RBFOX1: variants seen among roughly 807,000 people sequenced by gnomAD.
RBFOX1 encodes the protein RNA binding protein fox-1 homolog 1.
Under a neutral mutation model 57.7 loss-of-function variants are expected in RBFOX1, and 8 were observed. The observed-to-expected ratio is 0.14, with a 90% CI of 0.08 to 0.25. RBFOX1 has a LOEUF of 0.25. Ranked by LOEUF, RBFOX1 falls within the 10% of genes least tolerant of loss-of-function variation. The pLI, the probability that RBFOX1 is intolerant of heterozygous loss-of-function variation, is 1.00. For synonymous variants in RBFOX1, 326 were observed against 222.4 expected, an observed-to-expected ratio of 1.47 and a Z score of -4.15; for missense variants, 611 against 548.5, an observed-to-expected ratio of 1.11 and a Z score of -1.14.
At chr16:5,395,120 A>G (rs2066514664) in intron 1 of RBFOX1, among the ~76,000 whole-genome samples, 1 of 152,168 alleles carries the variant, frequency 6.6e-6, no homozygotes, top group African/African-American at 2.4e-5. Context: ...TTTAGGTTTC[A>G]GCCACAGGGA....
chr16:5,621,159 G>A (rs2048190351), intron 3 of RBFOX1, among the ~76,000 whole-genome samples: 2 of 152,106 alleles, frequency 1.3e-5, no homozygotes, highest in Admixed American at 6.5e-5. Flanking sequence ...TTTATTTTTT[G>A]TAGAAATGGG....
chr16:6,417,707 T>TAA (rs1555463885), intron 2 of RBFOX1, among the ~76,000 whole-genome samples: 1,480 of 146,614 alleles, frequency 0.01, 25 homozygotes, highest in African/African-American at 0.034. Context: ...CCTTTCTTTT[T>TAA]AAAAAAAAAA....
intron 3 of RBFOX1, among the ~76,000 whole-genome samples, chr16:5,698,638 C>G (rs1304486003): frequency 1.3e-5 from 2 of 152,122 alleles, no homozygotes; most frequent in African/African-American, 2.4e-5. Context: ...CAAACAAAAA[C>G]TTACAGATGA....
intron 3 of RBFOX1, among the ~76,000 whole-genome samples, chr16:5,864,448 AC>A (rs1239198983): frequency 6.6e-6 from 1 of 151,658 alleles, no homozygotes; most frequent in Non-Finnish European, 1.5e-5. Flanking sequence ...TCAGGAGTAA[AC>A]CTTTTGTCGG....
intron 4 of RBFOX1, among the ~76,000 whole-genome samples, chr16:5,910,587 G>A (rs2058580551): frequency 6.6e-6 from 1 of 152,144 alleles, no homozygotes; most frequent in Non-Finnish European, 1.5e-5. Context: ...GTTGAGCTGG[G>A]TGCAGGGCTA....
chr16:5,571,425 C>T (rs7186981), intron 2 of RBFOX1, among the ~76,000 whole-genome samples: 62,942 of 151,258 alleles, frequency 0.42, 13,477 homozygotes, highest in East Asian at 0.53. Flanking sequence ...CTGTTGGCCA[C>T]GCTGGTCTCA....
intron 3 of RBFOX1, among the ~76,000 whole-genome samples, chr16:5,680,704 G>A (rs2050306068): frequency 2.0e-5 from 3 of 152,180 alleles, no homozygotes; most frequent in South Asian, 2.1e-4. Flanking sequence ...CCAAACTTTA[G>A]GGGCCAGCAA....
chr16:7,219,005 C>G (rs1256666539), intron 4 of RBFOX1, among the ~76,000 whole-genome samples: 1 of 152,044 alleles, frequency 6.6e-6, no homozygotes, highest in South Asian at 2.1e-4. Flanking sequence ...CTGGTGGTCA[C>G]AAGAGAAGAA....
intron 2 of RBFOX1, among the ~76,000 whole-genome samples, chr16:6,431,907 TTCTTTCTTTC>T (rs2153006433): frequency 9.1e-6 from 1 of 110,440 alleles, no homozygotes; most frequent in African/African-American, 3.2e-5. Context: ...CTTTCTTTCT[TTCTTTCTTTC>T]TTTCTTTCTT....
intron 5 of RBFOX1, among the ~76,000 whole-genome samples, chr16:7,567,456 T>A (rs551887540): frequency 1.3e-3 from 140 of 110,226 alleles, no homozygotes; most frequent in African/African-American, 4.8e-3. Context: ...TCCCTATGTA[T>A]GGCCCTATAT....
chr16:6,321,831 T>A (rs1455981421), intron 2 of RBFOX1, among the ~76,000 whole-genome samples: 1 of 152,228 alleles, frequency 6.6e-6, no homozygotes, highest in East Asian at 1.9e-4. Flanking sequence ...TCCTCAGTAT[T>A]CGTCTTCAAA....
intron 4 of RBFOX1, among the ~76,000 whole-genome samples, chr16:7,131,755 G>C (rs929781066): frequency 5.3e-5 from 8 of 151,944 alleles, no homozygotes; most frequent in Non-Finnish European, 1.0e-4. Context: ...TGGCCACTCA[G>C]GTTCTCTGAA....
chr16:7,284,279 G>C (rs2095605641), intron 4 of RBFOX1, among the ~76,000 whole-genome samples: 1 of 152,058 alleles, frequency 6.6e-6, no homozygotes, highest in Non-Finnish European at 1.5e-5. Context: ...AGTTCTCCTG[G>C]GTAAATTCCT....
intron 3 of RBFOX1, among the ~76,000 whole-genome samples, chr16:6,868,603 C>G (rs1342177808): frequency 3.3e-5 from 5 of 152,034 alleles, no homozygotes; most frequent in African/African-American, 4.8e-5. Flanking sequence ...TCCTGAGTAG[C>G]TGGGATTATA....
At chr16:6,351,824 G>A (rs928449002) in intron 2 of RBFOX1, among the ~76,000 whole-genome samples, 9 of 152,114 alleles carry the variant, frequency 5.9e-5, no homozygotes, top group Non-Finnish European at 1.3e-4. Context: ...ATTTCCTGAG[G>A]TACGTAAAAT....
intron 3 of RBFOX1, among the ~76,000 whole-genome samples, chr16:6,977,500 C>T (rs1235315318): frequency 6.6e-6 from 1 of 152,042 alleles, no homozygotes; most frequent in Non-Finnish European, 1.5e-5. Flanking sequence ...CAAGTCCCAG[C>T]CTCATTTTCC....
chr16:7,679,530 C>T (rs775604358), intron 14 of RBFOX1, among the ~76,000 whole-genome samples: 1 of 152,128 alleles, frequency 6.6e-6, no homozygotes, highest in South Asian at 2.1e-4. Context: ...ACAAACTTTC[C>T]CTGTAATCAT....
chr16:5,271,545 G>T (rs966439674), intron 1 of RBFOX1, among the ~76,000 whole-genome samples: 2 of 152,244 alleles, frequency 1.3e-5, no homozygotes, highest in African/African-American at 4.8e-5. Context: ...TCATGGCGAC[G>T]CAGGTTCAAG....
chr16:6,035,436 A>G (rs1457001248), intron 1 of RBFOX1, among the ~76,000 whole-genome samples: 1 of 152,248 alleles, frequency 6.6e-6, no homozygotes, highest in African/African-American at 2.4e-5. Flanking sequence ...ATTCGATCAC[A>G]GTAGCACTGC....
Sources: gnomAD v4.1 joint callset for allele counts (sites outside exome capture counted in the v4.1 genomes callset) on GRCh38, gnomAD v4.1.1 for gene constraint, MANE v1.5 for transcripts, NCBI Gene and HGNC (gene_info 2026-07-23, HGNC 2026-07-21) for gene names.